SUPT3H: variants seen among roughly 807,000 people sequenced by gnomAD.
SUPT3H encodes transcription initiation protein SPT3 homolog.
In SUPT3H, 44 loss-of-function variants were observed where a neutral mutation model predicts 44.3. That is an observed-to-expected ratio of 0.99 (90% CI 0.78 to 1.28). The LOEUF (loss-of-function observed/expected upper bound fraction) is 1.28, where lower values mean the gene tolerates loss of function less well. SUPT3H is among the 50% of genes most tolerant of loss of function. SUPT3H has a pLI of 0.00. For synonymous variants in SUPT3H, 124 were observed against 125.6 expected, an observed-to-expected ratio of 0.99 and a Z score of 0.09; for missense variants, 380 against 387.1, an observed-to-expected ratio of 0.98 and a Z score of 0.15.
At chr6:44,856,157 C>T (rs551162537) in intron 10 of SUPT3H, among the ~76,000 whole-genome samples, 333 of 152,282 alleles carry the variant, frequency 2.2e-3, no homozygotes, top group Admixed American at 3.8e-3. Flanking sequence ...ACTCAGTTGT[C>T]CTTTGCTTCC....
At chr6:44,811,193 T>C (rs548506366) in intron 11 of SUPT3H, among the ~76,000 whole-genome samples, 2 of 152,150 alleles carry the variant, frequency 1.3e-5, no homozygotes, top group South Asian at 4.1e-4. Flanking sequence ...TTGGCTATGA[T>C]AGTTTCTCAG....
chr6:45,369,476 G>A (rs1217528173), intron 1 of SUPT3H, among the ~76,000 whole-genome samples: 1 of 152,132 alleles, frequency 6.6e-6, no homozygotes, highest in African/African-American at 2.4e-5. Context: ...CTGTCCCACA[G>A]TGAATCCCTC....
At chr6:45,031,538 A>G (rs770042947) in intron 3 of SUPT3H, among the ~76,000 whole-genome samples, 1 of 152,204 alleles carries the variant, frequency 6.6e-6, no homozygotes, top group Non-Finnish European at 1.5e-5. Context: ...ATGAAATACA[A>G]TGCACACATT....
intron 2 of SUPT3H, among the ~76,000 whole-genome samples, chr6:45,188,909 A>G (rs981136985): frequency 3.3e-5 from 5 of 152,174 alleles, no homozygotes; most frequent in Admixed American, 1.3e-4. Flanking sequence ...TCATTGTATA[A>G]TAAACCTTTA....
At chr6:45,006,603 G>T (rs1311084762) in intron 5 of SUPT3H, among the ~76,000 whole-genome samples, 1 of 151,990 alleles carries the variant, frequency 6.6e-6, no homozygotes, top group African/African-American at 2.4e-5. Context: ...CCTACCAAGA[G>T]GTAACATTTT....
chr6:45,041,994 C>G (rs1788605674), intron 3 of SUPT3H, among the ~76,000 whole-genome samples: 1 of 152,006 alleles, frequency 6.6e-6, no homozygotes, highest in Non-Finnish European at 1.5e-5. Context: ...CCAGAAGTGT[C>G]AACTATATTA....
chr6:44,938,168 T>C (rs1771802377), intron 9 of SUPT3H, among the ~76,000 whole-genome samples: 1 of 152,032 alleles, frequency 6.6e-6, no homozygotes, highest in Admixed American at 6.6e-5. Flanking sequence ...CCAGAAGAGT[T>C]TTCCTCAGGT....
chr6:45,207,321 A>C (rs1763355217), intron 2 of SUPT3H, among the ~76,000 whole-genome samples: 1 of 152,194 alleles, frequency 6.6e-6, no homozygotes, highest in Admixed American at 6.5e-5. Context: ...TAGCAATATA[A>C]AGGTCAGTGG....
At chr6:45,362,535 T>TA (rs1400593313) in intron 2 of SUPT3H, among the ~76,000 whole-genome samples, 1 of 152,180 alleles carries the variant, frequency 6.6e-6, no homozygotes, top group East Asian at 1.9e-4. Context: ...ATCAAAAGCC[T>TA]AAAAATCTCA....
intron 2 of SUPT3H, among the ~76,000 whole-genome samples, chr6:45,286,753 A>G (rs1779354666): frequency 6.6e-6 from 1 of 152,236 alleles, no homozygotes; most frequent in Admixed American, 6.5e-5. Context: ...TATATACCCA[A>G]AGGATTATAA....
chr6:45,225,594 A>G (rs776586424), intron 2 of SUPT3H, among the ~76,000 whole-genome samples: 1 of 152,098 alleles, frequency 6.6e-6, no homozygotes, highest in Non-Finnish European at 1.5e-5. Flanking sequence ...TTCTTCCACT[A>G]TCTTCTTCCT....
At chr6:44,820,053 T>C (rs777066568) in intron 11 of SUPT3H, among the ~76,000 whole-genome samples, 1 of 151,462 alleles carries the variant, frequency 6.6e-6, no homozygotes, top group African/African-American at 2.4e-5. Context: ...TGAAACCCTG[T>C]CTCTACCAAA....
At chr6:45,216,824 G>A (rs1322154236) in intron 2 of SUPT3H, among the ~76,000 whole-genome samples, 1 of 152,068 alleles carries the variant, frequency 6.6e-6, no homozygotes, top group East Asian at 1.9e-4. Flanking sequence ...TACCTAACGA[G>A]AGAAACAGAC....
At chr6:45,043,079 G>A (rs534551480) in intron 3 of SUPT3H, among the ~76,000 whole-genome samples, 40 of 150,436 alleles carry the variant, frequency 2.7e-4, no homozygotes, top group Non-Finnish European at 4.6e-4. Flanking sequence ...TGTTTCATTG[G>A]TTATTTGAAC....
At chr6:45,046,050 G>C (rs990112481) in intron 3 of SUPT3H, among the ~76,000 whole-genome samples, 1 of 152,046 alleles carries the variant, frequency 6.6e-6, no homozygotes, top group Admixed American at 6.6e-5. Flanking sequence ...TTAAGGTGAA[G>C]GTTTTCTCCT....
intron 2 of SUPT3H, among the ~76,000 whole-genome samples, chr6:45,282,662 C>A (rs1172636929): frequency 6.6e-6 from 1 of 152,172 alleles, no homozygotes; most frequent in Non-Finnish European, 1.5e-5. Context: ...AAACACTCTG[C>A]AGGATATTAT....
rs78750653 is a variant in SUPT3H, at chr6:45,125,038, G to C, written c.102-19032C>G. On this transcript the variant is annotated intron_variant, in intron 2 of 10. Transcript: ENST00000371459. The stretch of plus-strand genomic sequence containing the variant: ...CAAGGATTGCTGGCAAACACGTAAA[G>C]CTAGGAGAGACAAGGAAGGATTCTC... Among the ~76,000 whole-genome samples, 390 of 152,274 alleles carry C rather than the reference G, an allele frequency of 2.6e-3. 3 individuals are homozygous for C. The highest frequency in any genetic ancestry group is 8.6e-3 in the African/African-American group (356 of 41,556).
chr6:45,256,959 T>C (rs557355813), intron 2 of SUPT3H, among the ~76,000 whole-genome samples: 4 of 152,336 alleles, frequency 2.6e-5, no homozygotes, highest in African/African-American at 7.2e-5. Flanking sequence ...TACCCAGATG[T>C]AGAATTGCTA....
At chr6:45,187,415 C>CA (rs70996309) in intron 2 of SUPT3H, among the ~76,000 whole-genome samples, 85,174 of 146,356 alleles carry the variant, frequency 0.58, 25,111 homozygotes, top group African/African-American at 0.73. Context: ...AACTCCGTTT[C>CA]AAAAAAAAAA....
Sources: allele counts gnomAD v4.1 joint callset (sites outside exome capture counted in the v4.1 genomes callset), GRCh38; gene constraint gnomAD v4.1.1; transcripts MANE v1.5; gene names NCBI Gene and HGNC (gene_info 2026-07-23, HGNC 2026-07-21).